WDR76: variants seen among roughly 807,000 people sequenced by gnomAD.
The protein encoded by WDR76 is WD repeat-containing protein 76.
A neutral mutation model predicts 70.2 loss-of-function variants in WDR76; 52 were observed. That is an observed-to-expected ratio of 0.74 (90% CI 0.59 to 0.93). WDR76 has a LOEUF of 0.93. WDR76 is among the 40% of genes least tolerant of loss of function. The probability of loss-of-function intolerance (pLI) is 0.00; values close to 1 mark genes in which losing one functional copy is unlikely to be tolerated. For missense variants in WDR76, 756 were observed against 760.2 expected (o/e 0.99, Z 0.07); for synonymous variants, 292 against 271.1 (o/e 1.08, Z -0.76).
Position 43,851,077 on chromosome 15 carries a change from T to C in WDR76, c.1033-10T>C, listed in dbSNP as rs752086038. 1.9e-6 allele frequency: 3 copies of C among 1,612,644 alleles called. No homozygotes were observed. The South Asian group carries it at 3.3e-5, about 18-fold the overall frequency. The stretch of plus-strand genomic sequence containing the variant: ...TTTTCTCTCTCCCCTTTCCCGCAAC[T>C]CTCTTCCAGACCCAGCAACCTAAAG... On this transcript the variant is annotated splice_polypyrimidine_tract_variant and intron_variant, in intron 8 of 12. Transcript: ENST00000263795.
At position 43,828,013 on chromosome 15, in the gene WDR76, CCAG is replaced by C; in HGVS notation, c.112_114del (p.Ala38del). ...AAACATCGCTTATGTGTCTCTGAGA[CCAG>C]CACAGACTACAGTTTTAATAAAAAC... is the stretch of plus-strand genomic sequence containing the variant. On this transcript the variant is annotated inframe_deletion, in exon 2 of 13. Transcript: ENST00000263795. 2 of 1,613,088 alleles carry C rather than the reference CCAG, an allele frequency of 1.2e-6. No individual in the cohort carries two copies. The highest frequency in any genetic ancestry group is 1.7e-6 in the Non-Finnish European group (2 of 1,179,796).
chr15:43,841,208 T>TG (rs1194133848), intron 5 of WDR76, among the ~76,000 whole-genome samples: 11 of 147,294 alleles, frequency 7.5e-5, no homozygotes, highest in Non-Finnish European at 1.5e-4. Context: ...TTTGTTTTTT[T>TG]TTTTTTTTTT....
At chr15:43,854,610 TTC>T (rs921037006) in intron 9 of WDR76, among the ~76,000 whole-genome samples, 2 of 152,110 alleles carry the variant, frequency 1.3e-5, no homozygotes, top group Non-Finnish European at 2.9e-5. Context: ...AGGTATATAA[TTC>T]TCTGAGTTTT....
At chr15:43,832,061 A>C (rs1386771493) in intron 2 of WDR76, among the ~76,000 whole-genome samples, 1 of 152,116 alleles carries the variant, frequency 6.6e-6, no homozygotes, top group Admixed American at 6.6e-5. Flanking sequence ...AAAAGTCTTT[A>C]GCTTTATATT....
chr15:43,860,910 C>CTTTTTTTTTTTTTT (rs34504509), intron 11 of WDR76, among the ~76,000 whole-genome samples: 1 of 78,994 alleles, frequency 1.3e-5, no homozygotes, highest in Non-Finnish European at 2.3e-5. Flanking sequence ...TGATCTTACT[C>CTTTTTTTTTTTTTT]TTTTTTTTTT....
At chr15:43,842,083 G>A (rs2087732212) in intron 5 of WDR76, among the ~76,000 whole-genome samples, 1 of 152,064 alleles carries the variant, frequency 6.6e-6, no homozygotes, top group Non-Finnish European at 1.5e-5. Flanking sequence ...GGCCAGGCTG[G>A]TCTCGAACTC....
Position 43,867,658 on chromosome 15 carries a change from C to T in WDR76, c.*1266C>T, listed in dbSNP as rs556895051. On this transcript the variant is annotated 3_prime_UTR_variant, in exon 13 of 13. Transcript: ENST00000263795. Reference sequence around the variant, plus strand: ...GAAGAAGGCCCCAGGCTTACCTGTCCCGATCTTTAAACTGTCCGAAGGAAA... The same window carrying T: ...GAAGAAGGCCCCAGGCTTACCTGTCTCGATCTTTAAACTGTCCGAAGGAAA... 56 of 151,864 alleles carry T rather than the reference C, an allele frequency of 3.7e-4. No homozygotes were observed. Among genetic ancestry groups the T allele is most frequent in the African/African-American group, 1.4e-3 (56 of 41,408 alleles). 9.4% of individuals were successfully genotyped at this position (151,864 alleles called of 1,614,324 possible). A position where few individuals can be genotyped will look rare whatever the true frequency, so the allele number is the denominator to read the frequency against.
chr15:43,840,422 A>T (rs2087710244), intron 5 of WDR76, among the ~76,000 whole-genome samples: 1 of 152,220 alleles, frequency 6.6e-6, no homozygotes, highest in Non-Finnish European at 1.5e-5. Flanking sequence ...GGGGCTTAGT[A>T]ATCAATAGAA....
intron 4 of WDR76, among the ~76,000 whole-genome samples, chr15:43,836,850 GAGAAACCCCA>G (rs1367468204): frequency 6.6e-6 from 1 of 150,920 alleles, no homozygotes; most frequent in Non-Finnish European, 1.5e-5. Context: ...GACCAACATG[GAGAAACCCCA>G]TCGCTACTAA....
chr15:43,842,315 A>C (rs2087734713), intron 5 of WDR76, 100 bp from the exon 6 acceptor site: 2 of 977,988 alleles, frequency 2.0e-6, no homozygotes, highest in East Asian at 2.5e-5. Flanking sequence ...TTGATGTTGA[A>C]AGTGAAGTTG....
intron 8 of WDR76, among the ~76,000 whole-genome samples, chr15:43,849,139 C>T (rs1158508470): frequency 7.0e-6 from 1 of 143,148 alleles, no homozygotes; most frequent in African/African-American, 2.6e-5. Context: ...CGTGCCACTG[C>T]ACTCAAGCCT....
At chr15:43,860,271 C>T (rs1006322163) in intron 11 of WDR76, among the ~76,000 whole-genome samples, 2 of 152,192 alleles carry the variant, frequency 1.3e-5, no homozygotes, top group Admixed American at 1.3e-4. Context: ...AACTCCTCTC[C>T]TTTGTTGCTG....
chr15:43,851,044 ACTAGTTTTTTTCT>A (rs1567189197), intron 8 of WDR76, 30 bp from the exon 9 acceptor site: 1 of 1,603,674 alleles, frequency 6.2e-7, no homozygotes, highest in Admixed American at 1.7e-5. Flanking sequence ...ACTATTTTTC[ACTAGTTTTTTTCT>A]CTCTCCCCTT....
At chr15:43,850,936 A>G (rs557949688) in intron 8 of WDR76, 151 bp from the exon 9 acceptor site, 3 of 967,512 alleles carry the variant, frequency 3.1e-6, no homozygotes, top group Non-Finnish European at 4.4e-6. Context: ...TCTCATTCTG[A>G]CTTTGTGAAG....
intron 12 of WDR76, 135 bp from the exon 13 acceptor site, chr15:43,865,993 G>A: frequency 8.8e-6 from 9 of 1,027,370 alleles, no homozygotes; most frequent in Non-Finnish European, 1.3e-5. Flanking sequence ...AAGGTTGGTG[G>A]TAACTCAGTA....
chr15:43,854,999 G>A (rs1480344829), intron 9 of WDR76, among the ~76,000 whole-genome samples: 1 of 150,914 alleles, frequency 6.6e-6, no homozygotes, highest in Non-Finnish European at 1.5e-5. Flanking sequence ...ATTACGTCAT[G>A]ACCTTTTGTA....
rs761301514 is a variant in WDR76 at position 43,840,916 on chromosome 15, A to AAT, written c.732+1201_732+1202dup. Among the ~76,000 whole-genome samples, 705 of 151,548 alleles carry AAT rather than the reference A, an allele frequency of 4.7e-3. 4 individuals carry two copies. Among genetic ancestry groups the AAT allele is most frequent in the Non-Finnish European group, 7.1e-3 (481 of 67,872 alleles). ...GCATCACTTGAGACGTTAATTTAAA[A>AAT]ATATATATATATATTTATTTACATT... is the stretch of plus-strand genomic sequence containing the variant. On this transcript the variant is annotated intron_variant, in intron 5 of 12. Transcript: ENST00000263795.
rs148578051 is a variant in WDR76, at chr15:43,844,347, G to T, written c.1032+293G>T. ...TATACATTTAAAGTGGCCGGGTGCGGTGGGTCACGCCTGTAATGCCAGCAC... is the reference window on the plus strand; with the variant it reads ...TATACATTTAAAGTGGCCGGGTGCGTTGGGTCACGCCTGTAATGCCAGCAC... On this transcript the variant is annotated intron_variant, in intron 8 of 12. Coordinates refer to ENST00000263795, the MANE Select transcript of WDR76 (RefSeq NM_024908.4). Among the ~76,000 whole-genome samples, 954 of 152,292 alleles carry T rather than the reference G, an allele frequency of 6.3e-3. 8 individuals carry two copies. The highest frequency in any genetic ancestry group is 0.022 in the African/African-American group (917 of 41,570).
intron 12 of WDR76, among the ~76,000 whole-genome samples, chr15:43,864,231 G>A (rs2088041429): frequency 6.6e-6 from 1 of 152,206 alleles, no homozygotes; most frequent in Non-Finnish European, 1.5e-5. Context: ...TGGGAGTACA[G>A]GTATCTCATA....
Sources: allele counts gnomAD v4.1 joint callset (sites outside exome capture counted in the v4.1 genomes callset), GRCh38; gene constraint gnomAD v4.1.1; transcripts MANE v1.5; gene names NCBI Gene and HGNC (gene_info 2026-07-23, HGNC 2026-07-21).